The following USP34 variants were observed in gnomAD, a reference collection of about 807,000 sequenced individuals.
USP34 encodes ubiquitin specific peptidase 34.
A neutral mutation model predicts 460.3 loss-of-function variants in USP34; 70 were observed. The observed-to-expected ratio is 0.15, with a 90% CI of 0.13 to 0.19. The LOEUF is 0.19. USP34 is among the 10% of genes least tolerant of loss of function. The probability of loss-of-function intolerance (pLI) is 1.00; values close to 1 mark genes in which losing one functional copy is unlikely to be tolerated. For missense variants in USP34, 3,985 were observed against 4,236.2 expected, an observed-to-expected ratio of 0.94 and a Z score of 1.65; for synonymous variants, 1,647 against 1,405.3, an observed-to-expected ratio of 1.17 and a Z score of -3.85.
At chr2:61,371,718 T>C (rs1189067259) in intron 8 of USP34, among the ~76,000 whole-genome samples, 1 of 152,148 alleles carries the variant, frequency 6.6e-6, no homozygotes, top group Non-Finnish European at 1.5e-5. Context: ...CCTTCACATC[T>C]TCTCAGCGAT....
At chr2:61,409,097 G>A (rs1221908021) in intron 2 of USP34, among the ~76,000 whole-genome samples, 2 of 152,086 alleles carry the variant, frequency 1.3e-5, no homozygotes, top group African/African-American at 4.8e-5. Flanking sequence ...GCACACACCT[G>A]TAATCCCACC....
At chr2:61,284,015 A>G (rs1050637963) in intron 35 of USP34, among the ~76,000 whole-genome samples, 6 of 152,180 alleles carry the variant, frequency 3.9e-5, no homozygotes, top group African/African-American at 1.4e-4. Flanking sequence ...TCTATTACAC[A>G]GCAGGGTGTC....
intron 1 of USP34, among the ~76,000 whole-genome samples, chr2:61,459,272 T>C (rs1695527702): frequency 6.6e-6 from 1 of 152,240 alleles, no homozygotes; most frequent in Non-Finnish European, 1.5e-5. Flanking sequence ...CTACCCCTGC[T>C]ACTTCTTTGC....
chr2:61,323,666 T>G (rs959451374), intron 21 of USP34, among the ~76,000 whole-genome samples: 3 of 152,188 alleles, frequency 2.0e-5, no homozygotes, highest in Non-Finnish European at 4.4e-5. Flanking sequence ...TTAGATTTGA[T>G]ACTATCTGGA....
chr2:61,329,085 G>A (rs1691181298), intron 20 of USP34, among the ~76,000 whole-genome samples: 2 of 152,144 alleles, frequency 1.3e-5, no homozygotes, highest in Non-Finnish European at 2.9e-5. Context: ...GCAGTGGTGC[G>A]AGCTCGGCTC....
chr2:61,313,041 C>A (rs1690641631), intron 25 of USP34, among the ~76,000 whole-genome samples: 1 of 152,154 alleles, frequency 6.6e-6, no homozygotes, highest in Admixed American at 6.5e-5. Flanking sequence ...CTAAGCACAT[C>A]AAGAACAAAA....
intron 28 of USP34, 64 bp downstream of exon 28, chr2:61,301,290 G>A: frequency 6.4e-7 from 1 of 1,552,104 alleles, no homozygotes; most frequent in Admixed American, 1.8e-5. Context: ...AACTACATCT[G>A]CGACTATTCA....
chr2:61,248,389 C>G, intron 49 of USP34, 122 bp downstream of exon 49: 4 of 954,720 alleles, frequency 4.2e-6, no homozygotes, highest in Non-Finnish European at 6.0e-6. Flanking sequence ...TTGTCTTAAC[C>G]TTCTCCCTTC....
At chr2:61,421,563 G>A (rs991710779) in intron 1 of USP34, among the ~76,000 whole-genome samples, 5 of 152,130 alleles carry the variant, frequency 3.3e-5, no homozygotes, top group Non-Finnish European at 7.4e-5. Flanking sequence ...CAATTATTAT[G>A]TATGTACAAG....
At chr2:61,218,426 G>C (rs1687466081) in intron 67 of USP34, among the ~76,000 whole-genome samples, 1 of 151,484 alleles carries the variant, frequency 6.6e-6, no homozygotes, top group African/African-American at 2.4e-5. Context: ...AGAATAAGCA[G>C]AACAATTTCA....
chr2:61,463,936 T>A (rs1695682877), intron 1 of USP34, among the ~76,000 whole-genome samples: 2 of 152,212 alleles, frequency 1.3e-5, no homozygotes, highest in South Asian at 4.1e-4. Flanking sequence ...CTCTAAACCT[T>A]AGTTCCCTCA....
chr2:61,224,786 C>T (rs1687682057), intron 62 of USP34, among the ~76,000 whole-genome samples: 1 of 152,002 alleles, frequency 6.6e-6, no homozygotes, highest in Non-Finnish European at 1.5e-5. Flanking sequence ...ATTCACAGTC[C>T]ACTGCAGTTA....
intron 41 of USP34, among the ~76,000 whole-genome samples, chr2:61,270,036 A>C (rs1237166679): frequency 2.0e-5 from 3 of 152,218 alleles, no homozygotes; most frequent in Non-Finnish European, 2.9e-5. Context: ...TTTTGTATTC[A>C]TTAGCCAATC....
chr2:61,322,079 A>T (rs1277115991), intron 21 of USP34, among the ~76,000 whole-genome samples: 6 of 152,080 alleles, frequency 3.9e-5, no homozygotes, highest in Admixed American at 2.6e-4. Context: ...AAATACAAAA[A>T]ATTAGCTAGG....
intron 1 of USP34, among the ~76,000 whole-genome samples, chr2:61,464,252 G>A (rs190741875): frequency 1.3e-5 from 2 of 152,280 alleles, no homozygotes; most frequent in African/African-American, 2.4e-5. Context: ...CAAGGAGGTG[G>A]AAGTTGCAGT....
At position 61,348,205 on chromosome 2, in the gene USP34, T is replaced by C. The variant is rs756716348; in HGVS notation, c.1950A>G (p.Gln650=). 14 of 1,614,120 alleles carry C rather than the reference T, an allele frequency of 8.7e-6. No homozygotes were observed. The South Asian group carries it at 8.8e-5, about 10-fold the overall frequency. The stretch of plus-strand genomic sequence containing the variant: ...GGGAGTCCCCCAGGCAAATGCCTGC[T>C]TGACTCTCTAACTTTCTATTCCGAA... ...TDLRNRKLES[Q]AGICLGDSQG... The change falls in exon 15 of 80, where the codon CAA becomes CAG. Residue 650 remains glutamine (Q), a synonymous_variant. Transcript: ENST00000398571.
chr2:61,221,426 A>G, intron 66 of USP34, 76 bp downstream of exon 66: 1 of 1,327,968 alleles, frequency 7.5e-7, no homozygotes, highest in Non-Finnish European at 1.0e-6. Context: ...ACTGGTACTT[A>G]AAATGGTAGT....
intron 1 of USP34, among the ~76,000 whole-genome samples, chr2:61,424,762 C>T (rs888014238): frequency 6.6e-6 from 1 of 151,826 alleles, no homozygotes; most frequent in African/African-American, 2.4e-5. Flanking sequence ...TTTTTTTTTA[C>T]CACAATTAAA....
At chr2:61,206,987 G>C in intron 70 of USP34, 101 bp from the exon 71 acceptor site, 1 of 1,273,014 alleles carries the variant, frequency 7.9e-7, no homozygotes, top group Non-Finnish European at 1.1e-6. Context: ...TTCAGACTCA[G>C]ACTGTGTGTG....
Sources: allele counts gnomAD v4.1 joint callset (sites outside exome capture counted in the v4.1 genomes callset), GRCh38; gene constraint gnomAD v4.1.1; transcripts MANE v1.5; gene names NCBI Gene and HGNC (gene_info 2026-07-23, HGNC 2026-07-21).